EPHA6: variants seen among roughly 807,000 people sequenced by gnomAD.
EPHA6 encodes the protein ephrin type-A receptor 6.
In EPHA6, 50 loss-of-function variants were observed where a neutral mutation model predicts 112.0. The observed-to-expected ratio is 0.45, with a 90% confidence interval of 0.36 to 0.56. The LOEUF (loss-of-function observed/expected upper bound fraction) is 0.56. Among genes scored for constraint, EPHA6 ranks in the 20% least tolerant of loss-of-function variants. The pLI is 0.00. For synonymous variants in EPHA6, 529 were observed against 490.7 expected, an observed-to-expected ratio of 1.08 and a Z score of -1.03; for missense variants, 1,280 against 1,417.4, an observed-to-expected ratio of 0.90 and a Z score of 1.56.
chr3:97,512,286 C>T (rs1188264384), intron 10 of EPHA6, among the ~76,000 whole-genome samples: 1 of 152,020 alleles, frequency 6.6e-6, no homozygotes, highest in Non-Finnish European at 1.5e-5. Context: ...GAGTATTTTT[C>T]ATTTAAGATA....
chr3:96,835,007 C>A (rs886184565), intron 1 of EPHA6, among the ~76,000 whole-genome samples: 2 of 151,976 alleles, frequency 1.3e-5, no homozygotes. Context: ...ATTCAGTCAT[C>A]ACATCTGAAC....
At chr3:96,901,138 A>C (rs2038585986) in intron 2 of EPHA6, among the ~76,000 whole-genome samples, 5 of 152,194 alleles carry the variant, frequency 3.3e-5, no homozygotes, top group Admixed American at 3.3e-4. Context: ...AATAGAGACT[A>C]AAATTCATGG....
At chr3:97,642,612 A>C (rs534119790) in intron 14 of EPHA6, among the ~76,000 whole-genome samples, 3 of 152,276 alleles carry the variant, frequency 2.0e-5, no homozygotes, top group South Asian at 4.2e-4. Flanking sequence ...GATGGGGCTG[A>C]AAACCAAGGC....
At chr3:97,082,765 G>A (rs1441361473) in intron 3 of EPHA6, among the ~76,000 whole-genome samples, 1 of 151,664 alleles carries the variant, frequency 6.6e-6, no homozygotes, top group Non-Finnish European at 1.5e-5. Context: ...TCTGGCCTGG[G>A]GCACAATCAG....
At chr3:97,310,024 T>C (rs2108749554) in intron 5 of EPHA6, among the ~76,000 whole-genome samples, 1 of 151,792 alleles carries the variant, frequency 6.6e-6, no homozygotes, top group South Asian at 2.1e-4. Flanking sequence ...TTATTTATCC[T>C]AAAGATTCAT....
chr3:97,692,786 T>C (rs1464104786), intron 14 of EPHA6, among the ~76,000 whole-genome samples: 1 of 152,216 alleles, frequency 6.6e-6, no homozygotes, highest in Non-Finnish European at 1.5e-5. Context: ...TTCTGCTCTG[T>C]TGTTTTTCAA....
chr3:97,431,682 C>A (rs1353138350), intron 6 of EPHA6, among the ~76,000 whole-genome samples: 5 of 152,034 alleles, frequency 3.3e-5, no homozygotes, highest in African/African-American at 1.2e-4. Context: ...AATTTTCCTC[C>A]TATTTATTGA....
chr3:97,319,851 T>C, intron 5 of EPHA6, among the ~76,000 whole-genome samples: 1 of 151,960 alleles, frequency 6.6e-6, no homozygotes, highest in Non-Finnish European at 1.5e-5. Flanking sequence ...TTAAAACTTT[T>C]AAATACTGAG....
Position 97,110,278 on chromosome 3 carries a change from A to T in EPHA6, c.1115-115986A>T, listed in dbSNP as rs571259066. 1.0e-3 allele frequency among the ~76,000 whole-genome samples: 155 copies of T among 152,228 alleles called. 1 individual carries two copies. The highest frequency in any genetic ancestry group is 3.2e-3 in the African/African-American group (135 of 41,546). ...AGGGCCTCCATAATGGTAATTTACC[A>T]TTTACATAACTCTCTTTTAGGAGAA... On this transcript the variant is annotated intron_variant, in intron 3 of 17. Transcript: ENST00000389672.
intron 12 of EPHA6, among the ~76,000 whole-genome samples, chr3:97,607,779 G>A (rs966236054): frequency 3.3e-5 from 5 of 150,906 alleles, no homozygotes; most frequent in African/African-American, 1.2e-4. Context: ...AAAGAAATAA[G>A]GTGTAACATT....
chr3:96,992,717 C>T (rs1460841640), intron 3 of EPHA6, among the ~76,000 whole-genome samples: 1 of 152,080 alleles, frequency 6.6e-6, no homozygotes, highest in Non-Finnish European at 1.5e-5. Flanking sequence ...TCAGCAAATT[C>T]TGTCCACTAT....
At chr3:96,969,156 TATC>T (rs775640105) in intron 2 of EPHA6, among the ~76,000 whole-genome samples, 6 of 151,956 alleles carry the variant, frequency 3.9e-5, no homozygotes, top group Non-Finnish European at 7.4e-5. Flanking sequence ...ACCATGGAAT[TATC>T]ATAAAAGAAT....
At chr3:97,349,858 A>T (rs1388929553) in intron 5 of EPHA6, among the ~76,000 whole-genome samples, 1 of 152,062 alleles carries the variant, frequency 6.6e-6, no homozygotes. Flanking sequence ...TCCAGACGTG[A>T]TAAAAATTTT....
At chr3:97,442,855 A>G (rs1473449743) in intron 6 of EPHA6, among the ~76,000 whole-genome samples, 1 of 152,122 alleles carries the variant, frequency 6.6e-6, no homozygotes, top group Non-Finnish European at 1.5e-5. Context: ...TTTGGAAAGT[A>G]ATTGTTAAAG....
At chr3:97,288,958 G>A (rs190762047) in intron 5 of EPHA6, among the ~76,000 whole-genome samples, 4 of 92,814 alleles carry the variant, frequency 4.3e-5, no homozygotes, top group Admixed American at 2.8e-4. Flanking sequence ...GTTGATTTGT[G>A]TAAGTTTCCT....
intron 6 of EPHA6, among the ~76,000 whole-genome samples, chr3:97,445,645 A>G (rs1348466780): frequency 6.6e-6 from 1 of 152,096 alleles, no homozygotes; most frequent in Non-Finnish European, 1.5e-5. Context: ...CATATCTAAC[A>G]GAAAGTACAA....
chr3:97,045,045 T>C (rs529413193), intron 3 of EPHA6, among the ~76,000 whole-genome samples: 12 of 152,222 alleles, frequency 7.9e-5, no homozygotes, highest in Admixed American at 2.6e-4. Flanking sequence ...TATGTAGTTA[T>C]TGATTTATTT....
intron 5 of EPHA6, among the ~76,000 whole-genome samples, chr3:97,255,798 T>G (rs890939849): frequency 6.6e-6 from 1 of 152,174 alleles, no homozygotes; most frequent in Non-Finnish European, 1.5e-5. Context: ...CTTAAATTGT[T>G]GAATTAATAA....
intron 5 of EPHA6, among the ~76,000 whole-genome samples, chr3:97,328,923 G>A (rs546093632): frequency 5.3e-5 from 8 of 151,872 alleles, no homozygotes; most frequent in East Asian, 3.9e-4. Context: ...CCAGTAACTC[G>A]TCATATAACA....
Sources: allele counts gnomAD v4.1 joint callset (sites outside exome capture counted in the v4.1 genomes callset), GRCh38; gene constraint gnomAD v4.1.1; transcripts MANE v1.5; gene names NCBI Gene and HGNC (gene_info 2026-07-23, HGNC 2026-07-21).